IFT140: variants seen among roughly 807,000 people sequenced by gnomAD.
IFT140 encodes the protein intraflagellar transport protein 140 homolog.
In IFT140, 133 loss-of-function variants were observed where a neutral mutation model predicts 164.6. The observed-to-expected ratio is 0.81, with a 90% CI of 0.70 to 0.93. IFT140 has a LOEUF of 0.93. IFT140 is among the 40% of genes least tolerant of loss of function. IFT140 has a pLI of 0.00. For missense variants in IFT140, 2,045 were observed against 1,972.3 expected, an observed-to-expected ratio of 1.04 and a Z score of -0.70; for synonymous variants, 860 against 817.3, an observed-to-expected ratio of 1.05 and a Z score of -0.89.
At chr16:1,556,999 T>TG (rs1025687212) in intron 19 of IFT140, among the ~76,000 whole-genome samples, 3 of 151,828 alleles carry the variant, frequency 2.0e-5, no homozygotes, top group Admixed American at 6.6e-5. Flanking sequence ...TTAGTAGAGA[T>TG]GGGGGGGCGG....
intron 4 of IFT140, among the ~76,000 whole-genome samples, chr16:1,601,278 AAGAG>A (rs1555495911): frequency 2.0e-5 from 3 of 152,034 alleles, no homozygotes; most frequent in Non-Finnish European, 2.9e-5. Context: ...AAAAAAAAAA[AAGAG>A]AGAGACTAGA....
At chr16:1,588,718 G>A (rs1009936737) in intron 7 of IFT140, among the ~76,000 whole-genome samples, 3 of 152,096 alleles carry the variant, frequency 2.0e-5, no homozygotes, top group Admixed American at 2.0e-4. Flanking sequence ...CCACCGGCCA[G>A]TGAGGAACTG....
chr16:1,533,830 C>T lies in IFT140; in HGVS notation c.2400-7034G>A. The T allele has an allele frequency of 9.1e-6, 2 of 220,198 alleles. No individual in the cohort carries two copies. Among genetic ancestry groups the T allele is most frequent in the Non-Finnish European group, 1.8e-5 (2 of 111,952 alleles). 13.6% of individuals were successfully genotyped at this position (220,198 alleles called of 1,614,324 possible). A position where few individuals can be genotyped will look rare whatever the true frequency, so the allele number is the denominator to read the frequency against. ...AACCCGCTCCACACCGGCCACCCTG[C>T]CCGGAGCCTGGCACTCACAGCAGGC... On this transcript the variant is annotated intron_variant, in intron 19 of 30. Coordinates refer to ENST00000426508, the MANE Select transcript of IFT140 (RefSeq NM_014714.4). The surrounding 1 kb of genome is among the most constrained non-coding windows in gnomAD (Gnocchi z 4.7).
At chr16:1,512,301 G>C (rs562926559) in intron 30 of IFT140, among the ~76,000 whole-genome samples, 1 of 152,144 alleles carries the variant, frequency 6.6e-6, no homozygotes, top group South Asian at 2.1e-4. Flanking sequence ...TCCAGCATCA[G>C]GAGGGTGTGT....
chr16:1,599,476 G>A (rs2035655619), intron 4 of IFT140, among the ~76,000 whole-genome samples: 2 of 84,296 alleles, frequency 2.4e-5, no homozygotes, highest in Non-Finnish European at 4.7e-5. Context: ...AGGTGGGGGG[G>A]TCGGCCCCCC....
chr16:1,565,207 G>C (rs111810349), intron 16 of IFT140, among the ~76,000 whole-genome samples: 2 of 152,310 alleles, frequency 1.3e-5, no homozygotes, highest in African/African-American at 4.8e-5. Flanking sequence ...CTGGGTGACG[G>C]GCAGTGGGGA....
intron 30 of IFT140, among the ~76,000 whole-genome samples, chr16:1,512,805 A>C (rs2040212194): frequency 6.6e-6 from 1 of 152,154 alleles, no homozygotes; most frequent in South Asian, 2.1e-4. Flanking sequence ...CAAACCAAGC[A>C]ACAACAAAAA....
chr16:1,552,350 G>A (rs927412088), intron 19 of IFT140, among the ~76,000 whole-genome samples: 6 of 150,782 alleles, frequency 4.0e-5, no homozygotes, highest in African/African-American at 9.8e-5. Context: ...CACCCCTCCC[G>A]CTCGCCTCTG....
At chr16:1,563,869 C>G in intron 17 of IFT140, 128 bp downstream of exon 17, 2 of 967,682 alleles carry the variant, frequency 2.1e-6, no homozygotes. Context: ...CAAGCGTTCC[C>G]TCCCGCCTTG....
At position 1,511,091 on chromosome 16, in the gene IFT140, G is replaced by A. The variant is rs1340703438; in HGVS notation, c.4242C>T (p.Tyr1414=). The stretch of plus-strand genomic sequence containing the variant: ...CGGCGTCCACGGCCTGCGGGCTCAC[G>A]TAGTAGGACATGTTGGCCAAGGGAA... ...RRLPLANMSY[Y]VSPQAVDAVH... is the part of the protein sequence containing the mutation. Residue 1414 remains tyrosine, a synonymous_variant, in exon 31 of 31, where the codon TAC becomes TAT. Coordinates refer to ENST00000426508, the MANE Select transcript of IFT140 (RefSeq NM_014714.4). 1.4e-5 allele frequency: 22 copies of A among 1,610,720 alleles called. No individual in the cohort carries two copies. Among genetic ancestry groups the A allele is most frequent in the African/African-American group, 1.1e-4 (8 of 75,056 alleles).
chr16:1,524,041 A>C, intron 24 of IFT140, 85 bp from the exon 25 acceptor site: 1 of 1,519,200 alleles, frequency 6.6e-7, no homozygotes, highest in Non-Finnish European at 8.8e-7. Flanking sequence ...CCGGGTGCGA[A>C]CCCGCCCCTT....
At chr16:1,534,805 A>G (rs2030900241) in intron 19 of IFT140, among the ~76,000 whole-genome samples, 1 of 151,322 alleles carries the variant, frequency 6.6e-6, no homozygotes, top group Admixed American at 6.5e-5. Context: ...CAGCTCTTTT[A>G]CACAGGAATT....
In IFT140 at chr16:1,541,631, C is replaced by A. The variant is rs548469539; in HGVS notation, c.2400-14835G>T. 6.0e-4 allele frequency: 256 copies of A among 424,518 alleles called. 4 individuals are homozygous for A. Among genetic ancestry groups the A allele is most frequent in the Non-Finnish European group, 3.1e-4 (98 of 317,482 alleles). The allele number at this position is 424,518 out of a possible 1,614,324, so 26.3% of individuals were successfully genotyped here. A position where few individuals can be genotyped will look rare whatever the true frequency, so the allele number is the denominator to read the frequency against. On this transcript the variant is annotated intron_variant, in intron 19 of 30. Coordinates refer to ENST00000426508, the MANE Select transcript of IFT140 (RefSeq NM_014714.4). The stretch of plus-strand genomic sequence containing the variant: ...GTCAGGCAGAGAGGAACAGCTGTCT[C>A]AGGAAGACAGAAATAGCAGAGTAGG...
chr16:1,573,980 T>C (rs1286474527), intron 13 of IFT140, among the ~76,000 whole-genome samples: 1 of 152,172 alleles, frequency 6.6e-6, no homozygotes, highest in East Asian at 1.9e-4. Flanking sequence ...CTGCTCTCCC[T>C]TGAGCTGTGT....
chr16:1,563,964 T>C lies in IFT140; in HGVS notation c.2067+33A>G. The C allele has an allele frequency of 4.0e-6, 6 of 1,518,984 alleles. No homozygotes were observed. The South Asian group carries it at 7.6e-5, about 19-fold the overall frequency. The allele number at this position is 1,518,984 out of a possible 1,614,324, so 94.1% of individuals were successfully genotyped here. A position where few individuals can be genotyped will look rare whatever the true frequency, so the allele number is the denominator to read the frequency against. ...AAGTCTGTCAAATGGCCACTGAGTGTGTCTAAACTCAAATACAACAGGCAG... is the reference window on the plus strand; with the variant it reads ...AAGTCTGTCAAATGGCCACTGAGTGCGTCTAAACTCAAATACAACAGGCAG... On this transcript the variant is annotated intron_variant, in intron 17 of 30. Coordinates refer to ENST00000426508, the MANE Select transcript of IFT140 (RefSeq NM_014714.4).
intron 4 of IFT140, among the ~76,000 whole-genome samples, chr16:1,598,111 CAGA>C (rs1433734435): frequency 1.3e-5 from 2 of 151,952 alleles, no homozygotes; most frequent in African/African-American, 2.4e-5. Flanking sequence ...AAAAATCATC[CAGA>C]AGAAGGGAAC....
At chr16:1,554,814 T>C (rs146726791) in intron 19 of IFT140, 8 of 1,614,188 alleles carry the variant, frequency 5.0e-6, no homozygotes, top group Non-Finnish European at 6.8e-6. Context: ...CGTGACTTTC[T>C]ACAGAATTGG....
At chr16:1,546,894 T>C (rs1443022909) in intron 19 of IFT140, among the ~76,000 whole-genome samples, 2 of 152,208 alleles carry the variant, frequency 1.3e-5, no homozygotes, top group Non-Finnish European at 2.9e-5. Context: ...AGCTGTGCTG[T>C]CTTACTTGGG....
intron 17 of IFT140, among the ~76,000 whole-genome samples, chr16:1,562,840 G>T (rs537001821): frequency 2.0e-5 from 3 of 152,244 alleles, no homozygotes; most frequent in Non-Finnish European, 4.4e-5. Context: ...TGCTTTCAAG[G>T]AACAGGGAAC....
Sources: gnomAD v4.1 joint callset for allele counts (sites outside exome capture counted in the v4.1 genomes callset) on GRCh38, gnomAD v4.1.1 for gene constraint, Gnocchi (gnomAD v3.1) non-coding constraint, MANE v1.5 for transcripts, NCBI Gene and HGNC (gene_info 2026-07-23, HGNC 2026-07-21) for gene names.